Variants in CPLX2 observed in about 807,000 individuals in gnomAD.
CPLX2 encodes complexin 2.
A neutral mutation model predicts 16.3 loss-of-function variants in CPLX2; 5 were observed. The ratio of observed to expected loss-of-function variants is 0.31; its 90% CI spans 0.16 to 0.64. The LOEUF (loss-of-function observed/expected upper bound fraction) is 0.64, where lower values mean the gene tolerates loss of function less well. CPLX2 is among the 30% of genes least tolerant of loss of function. The pLI, the probability that CPLX2 is intolerant of heterozygous loss-of-function variation, is 0.79. For missense variants in CPLX2, 144 were observed against 181.4 expected, an observed-to-expected ratio of 0.79 and a Z score of 1.18; for synonymous variants, 89 against 73.2, an observed-to-expected ratio of 1.22 and a Z score of -1.10.
At chr5:175,848,578 C>T (rs1264036555) in intron 2 of CPLX2, among the ~76,000 whole-genome samples, 2 of 152,098 alleles carry the variant, frequency 1.3e-5, no homozygotes, top group African/African-American at 4.8e-5. Flanking sequence ...GACAGAGCCA[C>T]AGGAAGGGTG....
At chr5:175,823,045 A>G (rs1160051021) in intron 2 of CPLX2, among the ~76,000 whole-genome samples, 2 of 151,196 alleles carry the variant, frequency 1.3e-5, no homozygotes, top group Non-Finnish European at 3.0e-5. Context: ...ATCTCCTCAA[A>G]AAAAAGTCTT....
intron 1 of CPLX2, among the ~76,000 whole-genome samples, chr5:175,876,487 A>T: frequency 6.6e-6 from 1 of 150,764 alleles, no homozygotes; most frequent in East Asian, 2.0e-4. Flanking sequence ...AAGGGGAAGC[A>T]GGGATAGGAA....
At chr5:175,848,069 G>A (rs764585654) in intron 2 of CPLX2, among the ~76,000 whole-genome samples, 2 of 152,192 alleles carry the variant, frequency 1.3e-5, no homozygotes, top group Non-Finnish European at 2.9e-5. Context: ...TGCCTCAACA[G>A]CCCCAGGCTG....
At chr5:175,828,854 G>C (rs1758671442) in intron 2 of CPLX2, among the ~76,000 whole-genome samples, 1 of 152,214 alleles carries the variant, frequency 6.6e-6, no homozygotes, top group Non-Finnish European at 1.5e-5. Flanking sequence ...CCACAGGTGT[G>C]AGGCAGCTTC....
intron 2 of CPLX2, among the ~76,000 whole-genome samples, chr5:175,863,771 G>A (rs908423341): frequency 4.6e-5 from 7 of 152,104 alleles, no homozygotes; most frequent in African/African-American, 1.7e-4. Context: ...TCCTGTTCTT[G>A]GGCCTGAAGT....
chr5:175,872,414 C>T lies in CPLX2; in HGVS notation c.-89+709C>T, dbSNP rs1029164388. ...GGCCTCAATCTGCCCCCTTCCCCAG[C>T]AAAGTTTGAAACCGGGCCGGGTCTT... On this transcript the variant is annotated intron_variant, in intron 1 of 3. Transcript: ENST00000393745. The surrounding 1 kb of genome is among the most constrained non-coding windows in gnomAD (Gnocchi z 5.0). Among the ~76,000 whole-genome samples, 7 of 152,168 alleles carry T rather than the reference C, an allele frequency of 4.6e-5. No homozygotes were observed. Among genetic ancestry groups the T allele is most frequent in the Non-Finnish European group, 1.0e-4 (7 of 68,032 alleles).
intron 2 of CPLX2, among the ~76,000 whole-genome samples, chr5:175,818,039 C>T: frequency 6.6e-6 from 1 of 152,168 alleles, no homozygotes; most frequent in East Asian, 1.9e-4. Flanking sequence ...TGGCCCCAGG[C>T]TGAGCATAAG....
intron 1 of CPLX2, among the ~76,000 whole-genome samples, chr5:175,797,139 C>G (rs1200691207): frequency 6.6e-6 from 1 of 152,190 alleles, no homozygotes; most frequent in African/African-American, 2.4e-5. Context: ...CGGGCCGCTC[C>G]CAACGCTAGC....
At chr5:175,864,939 C>T (rs1759438654) in intron 2 of CPLX2, among the ~76,000 whole-genome samples, 1 of 152,168 alleles carries the variant, frequency 6.6e-6, no homozygotes, top group Non-Finnish European at 1.5e-5. Context: ...CCTTTCTCAC[C>T]CTCTGTTTCC....
chr5:175,829,396 C>T lies in CPLX2; in HGVS notation c.-89+20328C>T, dbSNP rs77366087. ...GAAGCTCACCTCGGGAAGAAGGCCC[C>T]GCTCCCCCAGGAAGGGCCCCCTTGC... On this transcript the variant is annotated intron_variant, in intron 2 of 4. Coordinates refer to the CPLX2 transcript ENST00000359546. 2.1e-3 allele frequency among the ~76,000 whole-genome samples: 321 copies of T among 152,214 alleles called. 2 individuals are homozygous for T. The highest frequency in any genetic ancestry group is 7.4e-3 in the African/African-American group (308 of 41,544).
intron 2 of CPLX2, among the ~76,000 whole-genome samples, chr5:175,817,820 G>A (rs1046852080): frequency 6.6e-6 from 1 of 152,182 alleles, no homozygotes; most frequent in African/African-American, 2.4e-5. Context: ...AAAGGAAACA[G>A]AGAAACCCAT....
At chr5:175,856,066 G>T (rs1056939740) in intron 2 of CPLX2, among the ~76,000 whole-genome samples, 4 of 152,216 alleles carry the variant, frequency 2.6e-5, no homozygotes, top group African/African-American at 9.6e-5. Flanking sequence ...CAGAAGGACA[G>T]ATAGGTTAAG....
At chr5:175,821,381 C>T (rs1758505341) in intron 2 of CPLX2, among the ~76,000 whole-genome samples, 1 of 152,096 alleles carries the variant, frequency 6.6e-6, no homozygotes, top group Non-Finnish European at 1.5e-5. Flanking sequence ...TACTCTCCTT[C>T]TCCTAAATTT....
At chr5:175,803,601 GGA>G (rs1758139954) in intron 1 of CPLX2, among the ~76,000 whole-genome samples, 1 of 152,234 alleles carries the variant, frequency 6.6e-6, no homozygotes, top group African/African-American at 2.4e-5. Context: ...TGAGCAAGGA[GGA>G]GAGTCACAGA....
At chr5:175,814,864 C>G (rs1300227532) in intron 2 of CPLX2, among the ~76,000 whole-genome samples, 1 of 152,174 alleles carries the variant, frequency 6.6e-6, no homozygotes, top group East Asian at 1.9e-4. Flanking sequence ...TCATGAGTCA[C>G]AGCCCCAGGA....
chr5:175,834,277 G>A (rs1758784517), intron 2 of CPLX2, among the ~76,000 whole-genome samples: 1 of 152,214 alleles, frequency 6.6e-6, no homozygotes, highest in African/African-American at 2.4e-5. Flanking sequence ...AAACTGCTCA[G>A]AAACGGTCCA....
At chr5:175,847,102 A>C (rs1357321082) in intron 2 of CPLX2, among the ~76,000 whole-genome samples, 1 of 152,160 alleles carries the variant, frequency 6.6e-6, no homozygotes, top group Non-Finnish European at 1.5e-5. Flanking sequence ...TGTGTAAATA[A>C]AGAGGCGTGG....
intron 2 of CPLX2, among the ~76,000 whole-genome samples, chr5:175,831,186 G>A (rs972249904): frequency 1.3e-5 from 2 of 152,164 alleles, no homozygotes; most frequent in Non-Finnish European, 2.9e-5. Context: ...CAGTGTTTAC[G>A]TGTGTCTGTC....
intron 2 of CPLX2, among the ~76,000 whole-genome samples, chr5:175,818,120 T>C (rs1157638362): frequency 6.6e-6 from 1 of 152,050 alleles, no homozygotes; most frequent in Non-Finnish European, 1.5e-5. Flanking sequence ...ATGGAAACCA[T>C]TTGAGTATTG....
Sources: allele counts gnomAD v4.1 joint callset (sites outside exome capture counted in the v4.1 genomes callset), GRCh38; gene constraint gnomAD v4.1.1; non-coding constraint Gnocchi (gnomAD v3.1); transcripts MANE v1.5; gene names NCBI Gene and HGNC (gene_info 2026-07-23, HGNC 2026-07-21).